The following KIF4A variants were observed in gnomAD, a reference collection of about 807,000 sequenced individuals.
KIF4A encodes chromosome-associated kinesin KIF4A.
KIF4A carries 7 observed loss-of-function variants against 105.9 expected under a neutral mutation model. The ratio of observed to expected loss-of-function variants is 0.07; its 90% CI spans 0.04 to 0.12. KIF4A has a LOEUF of 0.12. Among genes scored for constraint, KIF4A ranks in the 10% least tolerant of loss-of-function variants. The probability of loss-of-function intolerance (pLI) is 1.00; values close to 1 mark genes in which losing one functional copy is unlikely to be tolerated. For missense variants in KIF4A, 558 were observed against 929.2 expected (o/e 0.60, Z 5.19); for synonymous variants, 281 against 331.3 (o/e 0.85, Z 1.65).
At chrX:70,321,079 A>G (rs770789592) in intron 7 of KIF4A, among the ~76,000 whole-genome samples, 1 of 111,943 alleles carries the variant, frequency 8.9e-6, no homozygotes, top group East Asian at 2.8e-4. Flanking sequence ...GATGAAGTCT[A>G]AAAAACATAG....
At chrX:70,368,400 A>G (rs1423872523) in intron 15 of KIF4A, among the ~76,000 whole-genome samples, 1 of 111,461 alleles carries the variant, frequency 9.0e-6, no homozygotes, top group Non-Finnish European at 1.9e-5. Flanking sequence ...TTGGTCTTTG[A>G]TGATGGTGAC....
At chrX:70,382,200 C>T (rs770695838) in intron 18 of KIF4A, among the ~76,000 whole-genome samples, 2 of 112,308 alleles carry the variant, frequency 1.8e-5, no homozygotes, top group Admixed American at 1.9e-4. Context: ...GATGCCGAGG[C>T]GGGTGGATCA....
chrX:70,349,994 C>A (rs1237414012), intron 13 of KIF4A, among the ~76,000 whole-genome samples: 2 of 110,287 alleles, frequency 1.8e-5, no homozygotes, highest in Non-Finnish European at 3.8e-5. Context: ...GCGCTCCTCA[C>A]TTCCCAGACG....
At chrX:70,337,814 C>G (rs1210375947) in intron 10 of KIF4A, among the ~76,000 whole-genome samples, 19 of 112,229 alleles carry the variant, frequency 1.7e-4, no homozygotes, top group Non-Finnish European at 3.0e-4. Context: ...TATGGTAGTT[C>G]TGTTTTTAAT....
chrX:70,371,392 G>A (rs925494468), intron 15 of KIF4A, among the ~76,000 whole-genome samples: 15 of 110,877 alleles, frequency 1.4e-4, no homozygotes, highest in Non-Finnish European at 2.7e-4. Context: ...CACAGACACG[G>A]CAACCATCCG....
Position 70,392,852 on chromosome X carries a change from A to T in KIF4A, c.2233-2819A>T, listed in dbSNP as rs181476256. On this transcript the variant is annotated intron_variant, in intron 20 of 30. Transcript: ENST00000374403. Reference sequence around the variant, plus strand: ...ACTCTGATCTTATAATAATAATAATAATAATAATTATTATTATTATTATTT... The same window carrying T: ...ACTCTGATCTTATAATAATAATAATTATAATAATTATTATTATTATTATTT... 5.9e-3 allele frequency among the ~76,000 whole-genome samples: 625 copies of T among 105,293 alleles called. 4 individuals are homozygous for T. Among genetic ancestry groups the T allele is most frequent in the Middle Eastern group, 0.015 (3 of 206 alleles). 91.4% of individuals were successfully genotyped at this position (105,293 alleles called of 115,157 possible). A position where few individuals can be genotyped will look rare whatever the true frequency, so the allele number is the denominator to read the frequency against.
In KIF4A at chrX:70,406,277, G is replaced by A. The variant is rs776050506; in HGVS notation, c.2995G>A (p.Val999Ile). Reference sequence around the variant, plus strand: ...CAAATAGAAACTGACCCTCCTCCAGGTAGCCAGCAGACAGAAACATCTTCC... The same window carrying A: ...CAAATAGAAACTGACCCTCCTCCAGATAGCCAGCAGACAGAAACATCTTCC... ...IIKQKLTLLQ[V>I]ASRQKHLPKD... Residue 999 changes from valine (V) to isoleucine (I), a missense_variant, in exon 27 of 31, where the codon GTA becomes ATA. Transcript: ENST00000374403. The A allele has an allele frequency of 2.5e-6, 3 of 1,207,718 alleles. No individual in the cohort carries two copies. The highest frequency in any genetic ancestry group is 3.5e-5 in the South Asian group (2 of 56,841).
intron 7 of KIF4A, 34 bp from the exon 8 acceptor site, chrX:70,329,371 A>G (rs1474947843): frequency 6.9e-6 from 8 of 1,158,378 alleles, no homozygotes; most frequent in South Asian, 3.7e-5. Context: ...TGGATGCATT[A>G]CCAAGCAATT....
At chrX:70,349,081 G>A (rs753244445) in intron 13 of KIF4A, among the ~76,000 whole-genome samples, 1 of 57,021 alleles carries the variant, frequency 1.8e-5, no homozygotes, top group African/African-American at 6.9e-5. Context: ...ACCTCCCAGA[G>A]GGGGCGGCCG....
intron 7 of KIF4A, among the ~76,000 whole-genome samples, chrX:70,324,789 T>A (rs759975360): frequency 1.5e-4 from 17 of 111,730 alleles, no homozygotes; most frequent in Non-Finnish European, 2.8e-4. Context: ...ATACTTATAT[T>A]TATTTTTCTT....
At chrX:70,298,422 A>G (rs1267052187) in intron 4 of KIF4A, among the ~76,000 whole-genome samples, 1 of 108,966 alleles carries the variant, frequency 9.2e-6, no homozygotes. Context: ...TTGTAGAGAC[A>G]GGGTCTCACT....
chrX:70,384,091 A>C (rs2086207706), intron 18 of KIF4A, among the ~76,000 whole-genome samples: 1 of 111,861 alleles, frequency 8.9e-6, no homozygotes, highest in African/African-American at 3.2e-5. Context: ...CAAAAGAAGA[A>C]AGGAGACATC....
At chrX:70,405,131 T>A (rs966270088) in intron 25 of KIF4A, among the ~76,000 whole-genome samples, 20 of 111,113 alleles carry the variant, frequency 1.8e-4, no homozygotes, top group African/African-American at 6.5e-4. Context: ...CATCCAGTAG[T>A]TACTTAGAAT....
intron 15 of KIF4A, among the ~76,000 whole-genome samples, chrX:70,366,768 G>A (rs752815506): frequency 2.4e-4 from 27 of 111,450 alleles, no homozygotes; most frequent in South Asian, 1.5e-3. Context: ...TATTAGGTCC[G>A]CTTGGTGCAG....
intron 28 of KIF4A, among the ~76,000 whole-genome samples, chrX:70,413,743 C>T (rs759015077): frequency 9.1e-5 from 10 of 110,453 alleles, no homozygotes; most frequent in South Asian, 7.9e-4. Context: ...GAGTTAAAGA[C>T]CAGGCTGGGC....
chrX:70,351,410 T>G (rs1479167062), intron 13 of KIF4A, among the ~76,000 whole-genome samples: 1 of 112,465 alleles, frequency 8.9e-6, no homozygotes, highest in Non-Finnish European at 1.9e-5. Flanking sequence ...TTTGACTTTC[T>G]GAGTTATTTC....
intron 20 of KIF4A, among the ~76,000 whole-genome samples, chrX:70,392,861 T>G (rs763951326): frequency 9.5e-6 from 1 of 104,751 alleles, no homozygotes; most frequent in Non-Finnish European, 1.9e-5. Flanking sequence ...TAATAATAAT[T>G]ATTATTATTA....
chrX:70,329,326 CT>C, intron 7 of KIF4A, 78 bp from the exon 8 acceptor site: 1 of 903,094 alleles, frequency 1.1e-6, no homozygotes, highest in East Asian at 3.2e-5. Context: ...GTCTTTATTT[CT>C]TTTCTCTTTC....
intron 15 of KIF4A, among the ~76,000 whole-genome samples, chrX:70,358,449 A>G (rs1270166942): frequency 9.0e-6 from 1 of 111,635 alleles, no homozygotes; most frequent in East Asian, 2.8e-4. Flanking sequence ...CCACTCTGAG[A>G]GATTTCCCTT....
Sources: allele counts gnomAD v4.1 joint callset (sites outside exome capture counted in the v4.1 genomes callset), GRCh38; gene constraint gnomAD v4.1.1; transcripts MANE v1.5; gene names NCBI Gene and HGNC (gene_info 2026-07-23, HGNC 2026-07-21).